Variants in DEPDC5 observed in about 807,000 individuals in gnomAD.
DEPDC5 encodes the protein DEP domain containing 5, GATOR1 subcomplex subunit, also known as GATOR1 complex protein DEPDC5.
Under a neutral mutation model 217.3 loss-of-function variants are expected in DEPDC5, and 73 were observed. The observed-to-expected ratio is 0.34, with a 90% confidence interval of 0.28 to 0.41. The LOEUF (loss-of-function observed/expected upper bound fraction) is 0.41, where lower values mean the gene tolerates loss of function less well. DEPDC5 is among the 10% of genes least tolerant of loss of function. The pLI is 1.00. For missense variants in DEPDC5, 1,675 were observed against 2,070.1 expected (o/e 0.81, Z 3.70); for synonymous variants, 733 against 756.7 (o/e 0.97, Z 0.51).
chr22:31,828,490 AATAG>A (rs2090338849), intron 24 of DEPDC5, among the ~76,000 whole-genome samples: 1 of 151,840 alleles, frequency 6.6e-6, no homozygotes, highest in Non-Finnish European at 1.5e-5. Context: ...CCTGGCACAT[AATAG>A]ATAGTTGAAT....
At chr22:31,846,361 T>G (rs544769985) in intron 30 of DEPDC5, among the ~76,000 whole-genome samples, 26 of 152,308 alleles carry the variant, frequency 1.7e-4, no homozygotes, top group African/African-American at 5.8e-4. Context: ...TTTTTTTTGT[T>G]TTTAACCTCA....
chr22:31,788,302 C>T (rs2085238392), intron 10 of DEPDC5, among the ~76,000 whole-genome samples: 2 of 119,842 alleles, frequency 1.7e-5, no homozygotes, highest in East Asian at 2.6e-4. Context: ...GAGACAGAGT[C>T]TCGCCATGTT....
At chr22:31,851,777 T>C (rs907911745) in intron 31 of DEPDC5, among the ~76,000 whole-genome samples, 20 of 152,106 alleles carry the variant, frequency 1.3e-4, no homozygotes, top group African/African-American at 4.8e-4. Context: ...AGAAGTAACA[T>C]TGAACAAGCA....
chr22:31,896,802 T>A (rs1357437769), intron 39 of DEPDC5, among the ~76,000 whole-genome samples: 1 of 152,180 alleles, frequency 6.6e-6, no homozygotes, highest in Non-Finnish European at 1.5e-5. Context: ...GTTTTCCTAT[T>A]TGATACTTTG....
chr22:31,764,257 C>A (rs570708797), intron 4 of DEPDC5, among the ~76,000 whole-genome samples: 1 of 152,126 alleles, frequency 6.6e-6, no homozygotes, highest in Non-Finnish European at 1.5e-5. Context: ...TTCATACCTT[C>A]CCCTTATCTC....
intron 21 of DEPDC5, 89 bp from the exon 22 acceptor site, chr22:31,818,933 G>A (rs750692048): frequency 4.5e-6 from 6 of 1,345,484 alleles, no homozygotes; most frequent in Non-Finnish European, 6.3e-6. Context: ...CAAGATTCTT[G>A]TCAGCCTTGG....
Position 31,876,060 on chromosome 22 carries a change from G to T in DEPDC5, c.3697-97G>T. 7.8e-6 allele frequency: 8 copies of T among 1,023,094 alleles called. 1 individual carries two copies. In the South Asian group the frequency reaches 1.1e-4, roughly 14 times the overall value. 63.4% of individuals were successfully genotyped at this position (1,023,094 alleles called of 1,614,324 possible). ...GGGGGTGGAGGGTAGGGTCTCCTCA[G>T]TGCTCCTGTCACTCCCTTGTCTCCA... On this transcript the variant is annotated intron_variant, in intron 36 of 42. Coordinates refer to ENST00000651528, the MANE Select transcript of DEPDC5 (RefSeq NM_001242896.3).
intron 20 of DEPDC5, among the ~76,000 whole-genome samples, chr22:31,813,685 A>G (rs1198090213): frequency 6.6e-6 from 1 of 151,154 alleles, no homozygotes; most frequent in East Asian, 1.9e-4. Context: ...AAGGCTATAT[A>G]TATATATATA....
chr22:31,810,963 TG>T (rs767117928), intron 20 of DEPDC5, among the ~76,000 whole-genome samples: 1 of 151,328 alleles, frequency 6.6e-6, no homozygotes, highest in Non-Finnish European at 1.5e-5. Context: ...TTAGTAGAGA[TG>T]GGGTTTTTCC....
At position 31,879,694 on chromosome 22, in the gene DEPDC5, T is replaced by C. The variant is rs781246416; in HGVS notation, c.3975T>C (p.Ser1325=). 1 of 1,614,132 alleles carries C rather than the reference T, an allele frequency of 6.2e-7. No homozygotes were observed. Among genetic ancestry groups the C allele is most frequent in the Non-Finnish European group, 8.5e-7 (1 of 1,180,016 alleles). ...WLPSRPASYA[S]RHSSFSRSFG... is the part of the protein sequence containing the mutation. ...CTAGCCGGCCAGCCTCCTATGCAAGTAGGCACAGCTCCTTTAGCCGAAGTT... is the reference window on the plus strand; with the variant it reads ...CTAGCCGGCCAGCCTCCTATGCAAGCAGGCACAGCTCCTTTAGCCGAAGTT... The change falls in exon 38 of 43, where the codon AGT becomes AGC. Residue 1325 remains serine (S), a synonymous_variant. Coordinates refer to ENST00000651528, the MANE Select transcript of DEPDC5 (RefSeq NM_001242896.3).
intron 31 of DEPDC5, among the ~76,000 whole-genome samples, chr22:31,851,406 G>A (rs925470626): frequency 6.6e-6 from 1 of 152,220 alleles, no homozygotes; most frequent in African/African-American, 2.4e-5. Flanking sequence ...ACTTGAGGAA[G>A]AGAAAACATT....
At chr22:31,787,799 A>G (rs78462148) in intron 10 of DEPDC5, among the ~76,000 whole-genome samples, 5,047 of 151,052 alleles carry the variant, frequency 0.033, 133 homozygotes, top group African/African-American at 0.069. Context: ...AGGACAGAGC[A>G]AGACCCTGTC....
chr22:31,818,959 A>C (rs1435239559), intron 21 of DEPDC5, 63 bp from the exon 22 acceptor site: 1 of 1,555,594 alleles, frequency 6.4e-7, no homozygotes, highest in Non-Finnish European at 8.9e-7. Flanking sequence ...CATTCTACCT[A>C]GCTCTGGTTT....
rs71184531 is a variant in DEPDC5, at chr22:31,888,240, G to GTTTT, written c.4034-5319_4034-5316dup. 2.1e-4 allele frequency among the ~76,000 whole-genome samples: 14 copies of GTTTT among 66,408 alleles called. 1 individual carries two copies. The highest frequency in any genetic ancestry group is 5.6e-4 in the East Asian group (1 of 1,790). The allele number at this position is 66,408 out of a possible 152,430, so 43.6% of individuals were successfully genotyped here. ...CCTTCTCAGCCTTGTTTTGTCTGTG[G>GTTTT]TTTTTTTTTTTTTTTTTTTTTTTTT... is the stretch of plus-strand genomic sequence containing the variant. On this transcript the variant is annotated intron_variant, in intron 38 of 42. Transcript: ENST00000651528.
At chr22:31,886,558 G>A (rs1306554888) in intron 38 of DEPDC5, among the ~76,000 whole-genome samples, 2 of 151,738 alleles carry the variant, frequency 1.3e-5, no homozygotes, top group South Asian at 2.1e-4. Context: ...TCAGGAGTTT[G>A]AGACTAGCCT....
At chr22:31,879,435 GTT>G in intron 37 of DEPDC5, 88 bp from the exon 38 acceptor site, 1 of 1,248,130 alleles carries the variant, frequency 8.0e-7, no homozygotes, top group Non-Finnish European at 1.1e-6. Context: ...TACTTAGCGT[GTT>G]TTTAAGGTTT....
chr22:31,784,620 CAAAAAA>C, intron 9 of DEPDC5, 188 bp from the exon 10 acceptor site: 2 of 321,048 alleles, frequency 6.2e-6, no homozygotes, highest in South Asian at 3.5e-5. Flanking sequence ...ACTCCCATCT[CAAAAAA>C]AAAAAAAAAA....
chr22:31,888,225 C>T (rs575053950), intron 38 of DEPDC5, among the ~76,000 whole-genome samples: 1 of 140,438 alleles, frequency 7.1e-6, no homozygotes, highest in South Asian at 2.3e-4. Context: ...CCTTCTCAGC[C>T]TTGTTTTGTC....
intron 18 of DEPDC5, among the ~76,000 whole-genome samples, chr22:31,806,448 AT>A (rs1240489311): frequency 6.6e-6 from 1 of 152,272 alleles, no homozygotes; most frequent in Admixed American, 6.5e-5. Flanking sequence ...TAAGAAATTC[AT>A]CCCCAAACTT....
Sources: gnomAD v4.1 joint callset for allele counts (sites outside exome capture counted in the v4.1 genomes callset) on GRCh38, gnomAD v4.1.1 for gene constraint, MANE v1.5 for transcripts, NCBI Gene and HGNC (gene_info 2026-07-23, HGNC 2026-07-21) for gene names.